The following LRP1B variants were observed in gnomAD, a reference collection of about 807,000 sequenced individuals.
The protein encoded by LRP1B is LDL receptor related protein 1B.
A neutral mutation model predicts 556.6 loss-of-function variants in LRP1B; 217 were observed. The observed-to-expected ratio is 0.39, with a 90% confidence interval of 0.35 to 0.44. LRP1B has a LOEUF of 0.44. Ranked by LOEUF, LRP1B falls within the 20% of genes least tolerant of loss-of-function variation. The probability of loss-of-function intolerance (pLI) is 1.00; values close to 1 mark genes in which losing one functional copy is unlikely to be tolerated. For missense variants in LRP1B, 5,053 were observed against 5,620.8 expected, an observed-to-expected ratio of 0.90 and a Z score of 3.23; for synonymous variants, 2,047 against 1,865.8, an observed-to-expected ratio of 1.10 and a Z score of -2.50.
At chr2:142,081,962 T>A (rs1343617367) in intron 1 of LRP1B, among the ~76,000 whole-genome samples, 3 of 152,210 alleles carry the variant, frequency 2.0e-5, no homozygotes, top group Admixed American at 1.3e-4. Flanking sequence ...GTGCAGCTAC[T>A]AAGTGGTAGA....
chr2:141,451,549 T>C (rs1405679084), intron 3 of LRP1B, among the ~76,000 whole-genome samples: 1 of 152,184 alleles, frequency 6.6e-6, no homozygotes, highest in African/African-American at 2.4e-5. Context: ...AACAAAATTG[T>C]CCTTGCAGAA....
intron 3 of LRP1B, among the ~76,000 whole-genome samples, chr2:141,359,280 A>AG (rs397965146): frequency 2.0e-5 from 3 of 150,680 alleles, no homozygotes; most frequent in Non-Finnish European, 4.4e-5. Context: ...AAAAAAAAAA[A>AG]CCACAGAATT....
At position 141,287,810 on chromosome 2, in the gene LRP1B, G is replaced by A. The variant is rs550215589; in HGVS notation, c.344-33169C>T. 6.6e-5 allele frequency among the ~76,000 whole-genome samples: 10 copies of A among 152,180 alleles called. No homozygotes were observed. In the South Asian group the frequency reaches 1.4e-3, roughly 22 times the overall value. ...TGTGATTGTGAATTATGCAACTGTC[G>A]CATGTTTTTGGTCTACTTTTTCTAC... On this transcript the variant is annotated intron_variant, in intron 3 of 90. Coordinates refer to ENST00000389484, the MANE Select transcript of LRP1B (RefSeq NM_018557.3).
chr2:140,831,603 T>C (rs967046016), intron 31 of LRP1B, among the ~76,000 whole-genome samples: 4 of 152,110 alleles, frequency 2.6e-5, no homozygotes, highest in African/African-American at 9.7e-5. Flanking sequence ...CTTCAGGACA[T>C]GGGTCTGGGC....
chr2:142,026,818 C>T lies in LRP1B; in HGVS notation c.82+103830G>A, dbSNP rs192988925. ...AAAAATATAAACATATTTTTGTTTT[C>T]AAGTATGTAACTTCCAGTGCTGTTG... On this transcript the variant is annotated intron_variant, in intron 1 of 90. Transcript: ENST00000389484. Among the ~76,000 whole-genome samples, 897 of 152,014 alleles carry T rather than the reference C, an allele frequency of 5.9e-3. 2 individuals are homozygous for T. The highest frequency in any genetic ancestry group is 0.012 in the Admixed American group (186 of 15,252).
intron 20 of LRP1B, among the ~76,000 whole-genome samples, chr2:140,924,069 CT>C (rs919524378): frequency 2.0e-5 from 3 of 151,840 alleles, no homozygotes; most frequent in African/African-American, 7.2e-5. Context: ...TATTGTGTAT[CT>C]TGCATAGCTC....
At chr2:141,836,395 T>C (rs1697280189) in intron 1 of LRP1B, among the ~76,000 whole-genome samples, 2 of 152,008 alleles carry the variant, frequency 1.3e-5, no homozygotes, top group Admixed American at 1.3e-4. Context: ...ATATGATACA[T>C]CTATGATAAA....
At chr2:141,439,760 C>G (rs964553172) in intron 3 of LRP1B, among the ~76,000 whole-genome samples, 1 of 152,072 alleles carries the variant, frequency 6.6e-6, no homozygotes, top group Admixed American at 6.5e-5. Flanking sequence ...TCACACACAA[C>G]CTTGATGAGC....
Position 140,691,393 on chromosome 2 carries a change from C to G in LRP1B, c.6799+8857G>C, listed in dbSNP as rs948158264. Among the ~76,000 whole-genome samples the G allele has an allele frequency of 6.6e-5, 10 of 151,338 alleles. No individual in the cohort carries two copies. The East Asian group carries it at 2.0e-3, about 30-fold the overall frequency. On this transcript the variant is annotated intron_variant, in intron 41 of 90. Transcript: ENST00000389484. ...GGCTGAGGCAGGAGAATCACTTGAA[C>G]CTGGAAGGCGGAGGTTGTGGTTAGC...
intron 3 of LRP1B, among the ~76,000 whole-genome samples, chr2:141,444,215 T>C (rs1681093324): frequency 2.6e-5 from 4 of 152,188 alleles, no homozygotes; most frequent in Admixed American, 2.6e-4. Context: ...AGTTCACTCA[T>C]GATTTGGCTC....
intron 1 of LRP1B, among the ~76,000 whole-genome samples, chr2:142,101,288 A>T (rs1247225059): frequency 6.6e-6 from 1 of 152,030 alleles, no homozygotes; most frequent in Non-Finnish European, 1.5e-5. Flanking sequence ...TAGTAAAAAA[A>T]GTTATTGCTT....
chr2:141,414,777 ACC>A (rs1157984954), intron 3 of LRP1B, among the ~76,000 whole-genome samples: 2 of 152,182 alleles, frequency 1.3e-5, no homozygotes, highest in African/African-American at 4.8e-5. Flanking sequence ...CCTCCAAATA[ACC>A]GTCTTCTTGT....
chr2:141,464,717 C>A (rs1215942769), intron 3 of LRP1B, among the ~76,000 whole-genome samples: 1 of 150,422 alleles, frequency 6.6e-6, no homozygotes, highest in African/African-American at 2.5e-5. Flanking sequence ...CAGGCACGAG[C>A]CCCTGCGCCC....
At chr2:141,461,259 G>T (rs1268417112) in intron 3 of LRP1B, among the ~76,000 whole-genome samples, 1 of 152,066 alleles carries the variant, frequency 6.6e-6, no homozygotes, top group Non-Finnish European at 1.5e-5. Flanking sequence ...GAAGGAGGAG[G>T]AACTGATCAA....
chr2:141,719,755 T>C (rs1174904813), intron 2 of LRP1B, among the ~76,000 whole-genome samples: 4 of 151,990 alleles, frequency 2.6e-5, no homozygotes, highest in Admixed American at 2.6e-4. Context: ...TATAAAATAA[T>C]TAACACAGGA....
chr2:140,711,331 C>T (rs1574269106), intron 37 of LRP1B, among the ~76,000 whole-genome samples: 2 of 152,022 alleles, frequency 1.3e-5, no homozygotes, highest in South Asian at 2.1e-4. Context: ...ATCTTTATTG[C>T]TCCAGGGACC....
At chr2:140,668,200 C>T (rs1287022145) in intron 41 of LRP1B, among the ~76,000 whole-genome samples, 1 of 151,170 alleles carries the variant, frequency 6.6e-6, no homozygotes, top group African/African-American at 2.4e-5. Context: ...GTCCCAGCTG[C>T]TGGGGAGGCT....
Position 141,438,590 on chromosome 2 carries a change from G to A in LRP1B, c.343+41806C>T, listed in dbSNP as rs115501371. Among the ~76,000 whole-genome samples, 388 of 152,188 alleles carry A rather than the reference G, an allele frequency of 2.5e-3. 4 individuals are homozygous for A. Among genetic ancestry groups the A allele is most frequent in the African/African-American group, 8.7e-3 (360 of 41,530 alleles). ...AGCTAAAAGGGATGGCATCTCTTAC[G>A]TTGGGAACAGGTGCAATATTTAGTA... On this transcript the variant is annotated intron_variant, in intron 3 of 90. Coordinates refer to ENST00000389484, the MANE Select transcript of LRP1B (RefSeq NM_018557.3).
At chr2:141,658,743 C>T (rs1334750258) in intron 2 of LRP1B, among the ~76,000 whole-genome samples, 1 of 152,010 alleles carries the variant, frequency 6.6e-6, no homozygotes, top group African/African-American at 2.4e-5. Flanking sequence ...AAAATCTTAT[C>T]ATTGTTTGTT....
Sources: allele counts gnomAD v4.1 joint callset (sites outside exome capture counted in the v4.1 genomes callset), GRCh38; gene constraint gnomAD v4.1.1; transcripts MANE v1.5; gene names NCBI Gene and HGNC (gene_info 2026-07-23, HGNC 2026-07-21).